Variants in SLC20A1 observed in about 807,000 individuals in gnomAD.
SLC20A1 encodes solute carrier family 20 member 1, also known as sodium-dependent phosphate transporter 1.
Under a neutral mutation model 62.7 loss-of-function variants are expected in SLC20A1, and 28 were observed. The observed-to-expected ratio is 0.45, with a 90% CI of 0.33 to 0.61. The LOEUF is 0.61. Ranked by LOEUF, SLC20A1 falls within the 20% of genes least tolerant of loss-of-function variation. The pLI is 0.02. For missense variants in SLC20A1, 673 were observed against 838.6 expected (o/e 0.80, Z 2.44); for synonymous variants, 305 against 302.9 (o/e 1.01, Z -0.07).
intron 10 of SLC20A1, 68 bp downstream of exon 10, chr2:112,661,294 C>T (rs568650327): frequency 1.7e-6 from 2 of 1,203,848 alleles, no homozygotes; most frequent in Admixed American, 1.8e-5. Flanking sequence ...AGTTTTACTT[C>T]TCTGATACTT....
chr2:112,661,801 G>A (rs1483560294), intron 10 of SLC20A1, among the ~76,000 whole-genome samples: 2 of 152,058 alleles, frequency 1.3e-5, no homozygotes, highest in East Asian at 1.9e-4. Flanking sequence ...CACCTGGCTC[G>A]GCCTCCCAAA....
chr2:112,649,592 T>G (rs1686379410), intron 4 of SLC20A1, among the ~76,000 whole-genome samples: 1 of 152,222 alleles, frequency 6.6e-6, no homozygotes, highest in Admixed American at 6.5e-5. Context: ...AAAATTGCTT[T>G]TAAACATTTT....
chr2:112,657,701 A>G (rs545461047), intron 6 of SLC20A1, among the ~76,000 whole-genome samples: 14 of 152,382 alleles, frequency 9.2e-5, no homozygotes, highest in Admixed American at 2.6e-4. Flanking sequence ...AGCTAAGTCT[A>G]ATGTGTACAT....
In SLC20A1 at chr2:112,659,728, T is replaced by C. The variant is rs1341603040; in HGVS notation, c.1573T>C (p.Phe525Leu). The C allele has an allele frequency of 1.9e-6, 3 of 1,613,874 alleles. No homozygotes were observed. The highest frequency in any genetic ancestry group is 3.3e-5 in the Admixed American group (2 of 60,022). ...FQFLQILTAC[F>L]GSFAHGGNDV... The stretch of plus-strand genomic sequence containing the variant: ...GTTCCTGCAGATCCTTACAGCCTGC[T>C]TTGGGTCATTCGCCCATGGTGGCAA... The change falls in exon 8 of 11, where the codon TTT becomes CTT. Residue 525 changes from phenylalanine (F) to leucine (L), a missense_variant. Coordinates refer to ENST00000272542, the MANE Select transcript of SLC20A1 (RefSeq NM_005415.5).
At chr2:112,654,261 C>T (rs901991114) in intron 5 of SLC20A1, among the ~76,000 whole-genome samples, 3 of 152,082 alleles carry the variant, frequency 2.0e-5, no homozygotes, top group Admixed American at 6.5e-5. Context: ...TGCTATGTGC[C>T]GGTGAAGAGA....
intron 4 of SLC20A1, among the ~76,000 whole-genome samples, chr2:112,648,545 C>CT (rs1686345734): frequency 6.6e-6 from 1 of 152,282 alleles, no homozygotes; most frequent in South Asian, 2.1e-4. Context: ...AGGGAGATAG[C>CT]ATAAATCCCA....
chr2:112,652,355 C>G, intron 4 of SLC20A1: 2 of 250,902 alleles, frequency 8.0e-6, no homozygotes, highest in Admixed American at 5.0e-5. Context: ...ACATCTCTTA[C>G]AAACGTAGAG....
intron 5 of SLC20A1, chr2:112,653,175 G>A: frequency 3.3e-6 from 1 of 303,774 alleles, no homozygotes; most frequent in South Asian, 3.2e-5. Context: ...CTGGTTTGCT[G>A]GATATTCTCA....
chr2:112,657,817 A>G (rs1443452840), intron 6 of SLC20A1, among the ~76,000 whole-genome samples: 16 of 152,274 alleles, frequency 1.1e-4, no homozygotes, highest in Admixed American at 1.0e-3. Flanking sequence ...CACAGATTCT[A>G]GAAGTAAACA....
At position 112,647,820 on chromosome 2, in the gene SLC20A1, A is replaced by T. The variant is rs542316427; in HGVS notation, c.561+82A>T. ...ACCCAGTGGTACTTTTGCAGATGTGATTGGTGTATAGGTATGCGGCCTTGG... is the reference window on the plus strand; with the variant it reads ...ACCCAGTGGTACTTTTGCAGATGTGTTTGGTGTATAGGTATGCGGCCTTGG... On this transcript the variant is annotated intron_variant, in intron 4 of 10. Coordinates refer to ENST00000272542, the MANE Select transcript of SLC20A1 (RefSeq NM_005415.5). The T allele has an allele frequency of 6.3e-6, 7 of 1,115,206 alleles. No homozygotes were observed. The East Asian group carries it at 1.6e-4, about 26-fold the overall frequency. The allele number at this position is 1,115,206 out of a possible 1,614,324, so 69.1% of individuals were successfully genotyped here.
At chr2:112,656,923 G>T (rs1409055068) in intron 5 of SLC20A1, 199 bp from the exon 6 acceptor site, 3 of 639,256 alleles carry the variant, frequency 4.7e-6, no homozygotes, top group Admixed American at 2.5e-5. Context: ...GCTGGTGTGG[G>T]TTTTCAGATG....
chr2:112,653,615 C>T (rs559708306), intron 5 of SLC20A1, among the ~76,000 whole-genome samples: 3 of 151,890 alleles, frequency 2.0e-5, no homozygotes, highest in African/African-American at 7.3e-5. Flanking sequence ...CATGAAGCCA[C>T]TTAATGCTTA....
Position 112,659,482 on chromosome 2 carries a change from G to C in SLC20A1, c.1327G>C (p.Glu443Gln). 1 of 1,614,224 alleles carries C rather than the reference G, an allele frequency of 6.2e-7. No homozygotes were observed. The change falls in exon 8 of 11, where the codon GAA becomes CAA. Residue 443 changes from glutamate to glutamine, a missense_variant. By Grantham distance (29) the Glu-to-Gln change is conservative. Coordinates refer to ENST00000272542, the MANE Select transcript of SLC20A1 (RefSeq NM_005415.5). ...FRAKEGEQKG[E>Q]EMEKLTWPNA... ...TGCCAAAGAAGGTGAACAGAAGGGC[G>C]AAGAAATGGAGAAGCTGACATGGCC...
At chr2:112,656,506 A>G (rs1206337218) in intron 5 of SLC20A1, among the ~76,000 whole-genome samples, 3 of 152,192 alleles carry the variant, frequency 2.0e-5, no homozygotes, top group Admixed American at 2.0e-4. Flanking sequence ...TGGCTGAAAG[A>G]CAAAGCTTTT....
At chr2:112,661,379 C>T (rs901440747) in intron 10 of SLC20A1, among the ~76,000 whole-genome samples, 153 bp downstream of exon 10, 1 of 152,176 alleles carries the variant, frequency 6.6e-6, no homozygotes, top group African/African-American at 2.4e-5. Context: ...CTTATTTAAG[C>T]AATTAAATAG....
chr2:112,646,929 T>G lies in SLC20A1; in HGVS notation c.101T>G (p.Val34Gly), dbSNP rs1021154291. The stretch of plus-strand genomic sequence containing the variant: ...ATCCTGGGCTTCATTATTGCATTTG[T>G]CTTGGCATTCTCCGTGGGAGCCAAT... ...MLILGFIIAF[V>G]LAFSVGANDV... Residue 34 changes from valine to glycine, a missense_variant, in exon 2 of 11, where the codon GTC (valine) becomes GGC (glycine). Coordinates refer to ENST00000272542, the MANE Select transcript of SLC20A1 (RefSeq NM_005415.5). The G allele has an allele frequency of 6.2e-7, 1 of 1,613,908 alleles. No individual in the cohort carries two copies. The highest frequency in any genetic ancestry group is 1.3e-5 in the African/African-American group (1 of 74,860).
In SLC20A1 at chr2:112,655,623, C is replaced by T. The variant is rs574090816; in HGVS notation, c.659-1499C>T. Reference sequence around the variant, plus strand: ...TTCCTGGGCTCAGGGTGTTCTCACACTTCAGTCTCCTGAGTAGCTAGAGAT... The same window carrying T: ...TTCCTGGGCTCAGGGTGTTCTCACATTTCAGTCTCCTGAGTAGCTAGAGAT... On this transcript the variant is annotated intron_variant, in intron 5 of 10. Transcript: ENST00000272542. Among the ~76,000 whole-genome samples the T allele has an allele frequency of 5.3e-5, 8 of 151,162 alleles. No homozygotes were observed. In the South Asian group the frequency reaches 1.3e-3, roughly 24 times the overall value.
Position 112,660,501 on chromosome 2 carries a change from T to C in SLC20A1, c.1722T>C (p.Val574=), listed in dbSNP as rs557458518. The change falls in exon 9 of 11, where the codon GTT becomes GTC. Residue 574 remains valine, a synonymous_variant. Transcript: ENST00000272542. Reference sequence around the variant, plus strand: ...TCTATGGTGGTGTTGGTATCTGTGTTGGTCTGTGGGTTTGGGGAAGAAGAG... The same window carrying C: ...TCTATGGTGGTGTTGGTATCTGTGTCGGTCTGTGGGTTTGGGGAAGAAGAG... ...LLLYGGVGIC[V]GLWVWGRRVI... 1.1e-5 allele frequency: 17 copies of C among 1,614,234 alleles called. No homozygotes were observed. In the South Asian group the frequency reaches 1.8e-4, roughly 17 times the overall value.
intron 8 of SLC20A1, among the ~76,000 whole-genome samples, chr2:112,660,158 T>C (rs1380952511): frequency 1.3e-5 from 2 of 152,198 alleles, no homozygotes; most frequent in Admixed American, 1.3e-4. Context: ...AAGCTGCCTA[T>C]AGGAGGAAAG....
Sources: allele counts gnomAD v4.1 joint callset (sites outside exome capture counted in the v4.1 genomes callset), GRCh38; gene constraint gnomAD v4.1.1; transcripts MANE v1.5; gene names NCBI Gene and HGNC (gene_info 2026-07-23, HGNC 2026-07-21).